The following BYSL variants were observed in gnomAD, a reference collection of about 807,000 sequenced individuals.
BYSL encodes the protein bystin like, also known as bystin.
A neutral mutation model predicts 45.4 loss-of-function variants in BYSL; 21 were observed. The ratio of observed to expected loss-of-function variants is 0.46; its 90% CI spans 0.33 to 0.67. The LOEUF is 0.67. Ranked by LOEUF, BYSL falls within the 30% of genes least tolerant of loss-of-function variation. The probability of loss-of-function intolerance (pLI) is 0.02; values close to 1 mark genes in which losing one functional copy is unlikely to be tolerated. For missense variants in BYSL, 522 were observed against 578.5 expected, an observed-to-expected ratio of 0.90 and a Z score of 1.00; for synonymous variants, 215 against 231.3, an observed-to-expected ratio of 0.93 and a Z score of 0.64.
rs1325332138 is a variant in BYSL, at chr6:41,921,827, C to T, written c.265C>T (p.Leu89=). Residue 89 remains leucine (L), a synonymous_variant, in exon 1 of 7, where the codon CTG becomes TTG. Coordinates refer to ENST00000230340, the MANE Select transcript of BYSL (RefSeq NM_004053.4). ...GGCGCCGCGGGAACGCACCACGCGG[C>T]TGGGTGAGTGTCTGGGATGAGGTCC... is the stretch of plus-strand genomic sequence containing the variant. ...PAAPRERTTR[L]GPRMPQDGSD... 6.2e-7 allele frequency: 1 copy of T among 1,610,290 alleles called. No homozygotes were observed. The highest frequency in any genetic ancestry group is 8.5e-7 in the Non-Finnish European group (1 of 1,178,706).
rs1775575395 is a variant in BYSL, at chr6:41,927,188, A to G, written c.269-186A>G. ...TTTTCTTATTGTTTCCTGTATATAC[A>G]TTTTGTTTCTCAAGCATGATTGCAA... On this transcript the variant is annotated intron_variant, in intron 1 of 6. Coordinates refer to ENST00000230340, the MANE Select transcript of BYSL (RefSeq NM_004053.4). Among the ~76,000 whole-genome samples, 3 of 151,896 alleles carry G rather than the reference A, an allele frequency of 2.0e-5. No homozygotes were observed. In the South Asian group the frequency reaches 6.2e-4, roughly 32 times the overall value.
intron 6 of BYSL, 33 bp downstream of exon 6, chr6:41,931,863 A>G (rs1257474265): frequency 8.3e-6 from 13 of 1,572,366 alleles, no homozygotes; most frequent in Non-Finnish European, 1.1e-5. Context: ...GGGGCTGGTC[A>G]GTGGATATCC....
At chr6:41,924,065 C>CTTTTT (rs530503405) in intron 1 of BYSL, among the ~76,000 whole-genome samples, 3 of 143,334 alleles carry the variant, frequency 2.1e-5, no homozygotes, top group African/African-American at 7.7e-5. Flanking sequence ...TAGTACTTAT[C>CTTTTT]TTTTTTTTTT....
At position 41,930,206 on chromosome 6, in the gene BYSL, T is replaced by C. The variant is rs1468544537; in HGVS notation, c.506T>C (p.Val169Ala). 18 of 1,613,852 alleles carry C rather than the reference T, an allele frequency of 1.1e-5. No homozygotes were observed. Among genetic ancestry groups the C allele is most frequent in the Non-Finnish European group, 1.5e-5 (18 of 1,179,992 alleles). The part of the protein sequence containing the change: ...QTEVETVMSE[V>A]SGFPMPQLDP... ...GAGGTTGAGACAGTCATGTCAGAGG[T>C]GTCGGGCTTCCCTATGCCCCAGCTG... The change falls in exon 3 of 7, where the codon GTG (valine) becomes GCG (alanine). Residue 169 changes from valine to alanine, a missense_variant. Physicochemically the swap from Val to Ala is moderately conservative, Grantham distance 64 (BLOSUM62 0). Coordinates refer to ENST00000230340, the MANE Select transcript of BYSL (RefSeq NM_004053.4).
chr6:41,930,071 G>T, intron 2 of BYSL, 61 bp from the exon 3 acceptor site: 1 of 1,601,968 alleles, frequency 6.2e-7, no homozygotes, highest in South Asian at 1.1e-5. Context: ...GAGCTTCCTG[G>T]ACAGTGACCA....
upstream of BYSL, among the ~76,000 whole-genome samples, chr6:41,918,590 G>T (rs1249677080): frequency 2.0e-5 from 3 of 151,862 alleles, no homozygotes; most frequent in African/African-American, 7.3e-5. Context: ...AAGGCGGGCA[G>T]ATCACGAGGT....
At chr6:41,925,397 T>C (rs909482866) in intron 1 of BYSL, among the ~76,000 whole-genome samples, 5 of 151,356 alleles carry the variant, frequency 3.3e-5, no homozygotes, top group Non-Finnish European at 5.9e-5. Context: ...GGAGTCTCGC[T>C]CTGTCGCCCA....
chr6:41,913,284 C>T, the BYSL span, among the ~76,000 whole-genome samples: 1 of 152,186 alleles, frequency 6.6e-6, no homozygotes, highest in Admixed American at 6.5e-5. Flanking sequence ...AGCCAGTAAC[C>T]AGCAAAACTG....
intron 1 of BYSL, 55 bp downstream of exon 1, chr6:41,921,885 G>A (rs1268272795): frequency 6.5e-7 from 1 of 1,545,874 alleles, no homozygotes; most frequent in Non-Finnish European, 8.7e-7. Context: ...GGGGCGGGGT[G>A]GGCAGCTAAA....
chr6:41,921,104 C>T (rs1402345842), upstream of BYSL: 7 of 1,554,756 alleles, frequency 4.5e-6, no homozygotes, highest in Admixed American at 1.8e-5. Flanking sequence ...AGTTCCCCAA[C>T]ACAACCTTCT....
chr6:41,927,662 C>T, intron 2 of BYSL, 126 bp downstream of exon 2: 2 of 1,225,932 alleles, frequency 1.6e-6, no homozygotes, highest in South Asian at 1.5e-5. Context: ...TAGGGGACCA[C>T]CTTGACAAAA....
At chr6:41,917,600 G>A (rs1256835254), upstream of BYSL, 1 of 365,298 alleles carries the variant, frequency 2.7e-6, no homozygotes, top group African/African-American at 2.1e-5. Flanking sequence ...ACAGTTCTCA[G>A]GATTCTCGCA....
chr6:41,921,450 G>T, upstream of BYSL: 1 of 1,404,222 alleles, frequency 7.1e-7, no homozygotes, highest in East Asian at 2.5e-5. Flanking sequence ...AATGCTAGGG[G>T]GCGCTGTGAT....
intron 1 of BYSL, among the ~76,000 whole-genome samples, chr6:41,925,965 T>C (rs1181165681): frequency 6.6e-6 from 1 of 152,224 alleles, no homozygotes; most frequent in East Asian, 1.9e-4. Context: ...ATTACAGGCG[T>C]GAGCCACCAC....
At chr6:41,912,221 T>TTTTTG in the BYSL span, among the ~76,000 whole-genome samples, 1 of 146,790 alleles carries the variant, frequency 6.8e-6, no homozygotes, top group African/African-American at 2.6e-5. Context: ...TTTTTTTTTT[T>TTTTTG]GTAAAGATGA....
At chr6:41,910,788 C>T in the BYSL span, among the ~76,000 whole-genome samples, 2 of 151,652 alleles carry the variant, frequency 1.3e-5, no homozygotes, top group Non-Finnish European at 2.9e-5. Flanking sequence ...GATGTACAAG[C>T]AGAGGACTTA....
intron 2 of BYSL, among the ~76,000 whole-genome samples, chr6:41,929,688 G>A (rs1775610718): frequency 6.6e-6 from 1 of 152,198 alleles, no homozygotes; most frequent in Non-Finnish European, 1.5e-5. Context: ...ACTGTGTACT[G>A]ACCATTCCAA....
At chr6:41,931,921 G>A in intron 6 of BYSL, 91 bp downstream of exon 6, 1 of 1,238,776 alleles carries the variant, frequency 8.1e-7, no homozygotes, top group Admixed American at 1.7e-5. Context: ...TGGAGAAGGA[G>A]CTAAGGAAAG....
At chr6:41,925,364 A>AT (rs778564177) in intron 1 of BYSL, among the ~76,000 whole-genome samples, 2,623 of 141,188 alleles carry the variant, frequency 0.019, 60 homozygotes, top group African/African-American at 0.056. Flanking sequence ...GACTAACTTC[A>AT]TTTTTTTTTT....
Sources: gnomAD v4.1 joint callset for allele counts (sites outside exome capture counted in the v4.1 genomes callset) on GRCh38, gnomAD v4.1.1 for gene constraint, MANE v1.5 for transcripts, NCBI Gene and HGNC (gene_info 2026-07-23, HGNC 2026-07-21) for gene names.